NAGK: variants seen among roughly 807,000 people sequenced by gnomAD.
NAGK encodes the protein N-acetyl-D-glucosamine kinase.
In NAGK, 35 loss-of-function variants were observed where a neutral mutation model predicts 42.9. The observed-to-expected ratio is 0.82, with a 90% CI of 0.62 to 1.08. The LOEUF (loss-of-function observed/expected upper bound fraction) is 1.08. Ranked by LOEUF, NAGK falls within the 50% of genes least tolerant of loss-of-function variation. NAGK has a pLI of 0.00. For synonymous variants in NAGK, 172 were observed against 176.0 expected (o/e 0.98, Z 0.18); for missense variants, 446 against 446.0 (o/e 1.00, Z 0.00).
At chr2:71,075,704 AT>A in intron 7 of NAGK, 62 bp downstream of exon 7, 1 of 1,482,160 alleles carries the variant, frequency 6.7e-7, no homozygotes, top group East Asian at 2.3e-5. Flanking sequence ...CAGTTGGGAG[AT>A]TGAGTGGGGT....
rs1572984257 is a variant in NAGK at position 71,077,538 on chromosome 2, A to G, written c.766-20A>G. The G allele has an allele frequency of 6.3e-7, 1 of 1,591,826 alleles. No individual in the cohort carries two copies. Among genetic ancestry groups the G allele is most frequent in the Admixed American group, 1.7e-5 (1 of 57,376 alleles). Reference sequence around the variant, plus strand: ...AGAGGCTAGGTTGGCCCCCATATCCATTTTCTGCTCTCCACCCAGGTCTTG... The same window carrying G: ...AGAGGCTAGGTTGGCCCCCATATCCGTTTTCTGCTCTCCACCCAGGTCTTG... On this transcript the variant is annotated intron_variant, in intron 8 of 9. Transcript: ENST00000244204.
At chr2:71,072,948 C>G (rs1368477428) in intron 5 of NAGK, 197 bp downstream of exon 5, 1 of 640,428 alleles carries the variant, frequency 1.6e-6, no homozygotes, top group Admixed American at 2.1e-5. Context: ...ACCCTGCTCT[C>G]CAGCAGTGAC....
At chr2:71,072,921 T>C in intron 5 of NAGK, 170 bp downstream of exon 5, 1 of 694,830 alleles carries the variant, frequency 1.4e-6, no homozygotes, top group Non-Finnish European at 2.6e-6. Flanking sequence ...GAGGTGCAAA[T>C]GCTGGACGAG....
chr2:71,075,488 C>A, intron 6 of NAGK, 67 bp from the exon 7 acceptor site: 1 of 1,327,928 alleles, frequency 7.5e-7, no homozygotes, highest in Non-Finnish European at 1.1e-6. Flanking sequence ...GGAAGGCCAA[C>A]TTTGGTGGGC....
chr2:71,068,885 C>T (rs1026397811), intron 1 of NAGK, 173 bp downstream of exon 1: 8 of 1,344,042 alleles, frequency 6.0e-6, no homozygotes, highest in East Asian at 3.1e-5. Flanking sequence ...CAGCTGTATG[C>T]CTTACGGGGA....
At chr2:71,071,421 T>C (rs905387680) in intron 3 of NAGK, 1 of 450,896 alleles carries the variant, frequency 2.2e-6, no homozygotes, top group Non-Finnish European at 3.9e-6. Context: ...GCCTGATCTT[T>C]CTGTTAAGAG....
At chr2:71,071,215 G>C (rs532584880) in intron 3 of NAGK, 169 of 333,766 alleles carry the variant, frequency 5.1e-4, no homozygotes, top group African/African-American at 3.5e-3. Flanking sequence ...TTGCAAAGTG[G>C]TTAGTATAGA....
intron 1 of NAGK, 191 bp downstream of exon 1, chr2:71,068,903 T>C: frequency 1.5e-6 from 2 of 1,307,446 alleles, no homozygotes; most frequent in East Asian, 3.2e-5. Flanking sequence ...GGACTCTGCC[T>C]GTGCAACAGC....
chr2:71,068,913 C>A, intron 1 of NAGK: 11 of 1,298,186 alleles, frequency 8.5e-6, no homozygotes, highest in Non-Finnish European at 1.1e-5. Flanking sequence ...TGTGCAACAG[C>A]CACACCCCGG....
intron 1 of NAGK, chr2:71,070,201 C>T (rs1398000819): frequency 1.8e-5 from 6 of 324,394 alleles, no homozygotes; most frequent in South Asian, 5.5e-5. Flanking sequence ...GTTTAACTAA[C>T]GGAGACTTAA....
chr2:71,070,826 C>G lies in NAGK; in HGVS notation c.200C>G (p.Pro67Arg), dbSNP rs553026134. ...KRKAGVDPLV[P>R]LRSLGLSLSG... The stretch of plus-strand genomic sequence containing the variant: ...AAAGCAGGGGTGGATCCTCTGGTAC[C>G]GCTGCGAAGCTTGGTGAGTCTGGGG... Residue 67 changes from proline (P) to arginine (R), a missense_variant, in exon 3 of 10, where the codon CCG becomes CGG. Coordinates refer to ENST00000244204, the MANE Select transcript of NAGK (RefSeq NM_017567.6). 6.2e-7 allele frequency: 1 copy of G among 1,614,030 alleles called. No homozygotes were observed. The highest frequency in any genetic ancestry group is 1.3e-5 in the African/African-American group (1 of 74,900).
chr2:71,068,785 G>T (rs1217455452), intron 1 of NAGK, 73 bp downstream of exon 1: 1 of 1,431,918 alleles, frequency 7.0e-7, no homozygotes, highest in East Asian at 3.0e-5. Context: ...TGGCAAGCTG[G>T]TGGCCTTGAT....
intron 7 of NAGK, chr2:71,075,888 T>G: frequency 1.9e-6 from 1 of 529,774 alleles, no homozygotes; most frequent in Non-Finnish European, 3.4e-6. Context: ...TTGCTTAGGC[T>G]GTATGCCTGT....
chr2:71,074,496 C>T (rs1386563405), intron 6 of NAGK: 1 of 152,316 alleles, frequency 6.6e-6, no homozygotes, highest in African/African-American at 2.4e-5. Context: ...ACTGCTCCCT[C>T]TTCTATCCTT....
intron 7 of NAGK, chr2:71,076,239 T>A (rs1270653789): frequency 5.1e-6 from 1 of 196,834 alleles, no homozygotes; most frequent in Non-Finnish European, 1.1e-5. Flanking sequence ...AGCCAGCTGT[T>A]CAGCTAGGAT....
intron 6 of NAGK, among the ~76,000 whole-genome samples, chr2:71,074,222 C>T (rs894781601): frequency 6.6e-6 from 1 of 152,144 alleles, no homozygotes; most frequent in Non-Finnish European, 1.5e-5. Flanking sequence ...CCCAGTTAGT[C>T]TTCCTGTCCA....
Position 71,070,775 on chromosome 2 carries a change from A to G in NAGK, c.149A>G (p.Asn50Ser), listed in dbSNP as rs1228735122. The G allele has an allele frequency of 1.2e-6, 2 of 1,614,064 alleles. No homozygotes were observed. Among genetic ancestry groups the G allele is most frequent in the East Asian group, 2.2e-5 (1 of 44,900 alleles). The change falls in exon 3 of 10, where the codon AAT becomes AGT. Residue 50 changes from asparagine to serine, a missense_variant. By Grantham distance (46) the Asn-to-Ser change is conservative. Transcript: ENST00000244204. ...IGTDKCVERI[N>S]EMVNRAKRKA... ...ACAGACAAGTGTGTGGAGAGGATCA[A>G]TGAGATGGTGAACAGGGCCAAACGG...
chr2:71,077,578 T>C lies in NAGK; in HGVS notation c.786T>C (p.Ile262=). The part of the protein sequence containing the change: ...EIDPVLFQGK[I]GLPILCVGSV... ...CCCAGGTCTTGTTCCAGGGCAAGAT[T>C]GGACTCCCCATCCTGTGCGTGGGCT... The change falls in exon 9 of 10, where the codon ATT becomes ATC. Residue 262 remains isoleucine, a synonymous_variant. Transcript: ENST00000244204. The C allele has an allele frequency of 2.5e-6, 4 of 1,609,508 alleles. No individual in the cohort carries two copies. Among genetic ancestry groups the C allele is most frequent in the Non-Finnish European group, 3.4e-6 (4 of 1,177,994 alleles).
At chr2:71,072,475 C>G in intron 4 of NAGK, 166 bp from the exon 5 acceptor site, 4 of 584,704 alleles carry the variant, frequency 6.8e-6, no homozygotes, top group Non-Finnish European at 1.2e-5. Flanking sequence ...GAGACCCAGG[C>G]TCTCACCCTC....
Sources: gnomAD v4.1 joint callset for allele counts (sites outside exome capture counted in the v4.1 genomes callset) on GRCh38, gnomAD v4.1.1 for gene constraint, MANE v1.5 for transcripts, NCBI Gene and HGNC (gene_info 2026-07-23, HGNC 2026-07-21) for gene names.